KIAA1958: variants seen among roughly 807,000 people sequenced by gnomAD.
The protein encoded by KIAA1958 is uncharacterized protein KIAA1958.
KIAA1958 carries 14 observed loss-of-function variants against 47.2 expected under a neutral mutation model. The ratio of observed to expected loss-of-function variants is 0.30; its 90% CI spans 0.20 to 0.46. KIAA1958 has a LOEUF of 0.46. Ranked by LOEUF, KIAA1958 falls within the 20% of genes least tolerant of loss-of-function variation. The pLI, the probability that KIAA1958 is intolerant of heterozygous loss-of-function variation, is 1.00. For synonymous variants in KIAA1958, 354 were observed against 353.3 expected, an observed-to-expected ratio of 1.00 and a Z score of -0.02; for missense variants, 803 against 909.2, an observed-to-expected ratio of 0.88 and a Z score of 1.50.
chr9:112,651,102 G>T (rs905020773), intron 3 of KIAA1958, among the ~76,000 whole-genome samples: 2 of 152,158 alleles, frequency 1.3e-5, no homozygotes, highest in Non-Finnish European at 2.9e-5. Context: ...TTCTCCCTTG[G>T]TAATTTATAG....
intron 1 of KIAA1958, among the ~76,000 whole-genome samples, chr9:112,501,307 A>G (rs538463039): frequency 6.6e-6 from 1 of 151,990 alleles, no homozygotes; most frequent in African/African-American, 2.4e-5. Flanking sequence ...ATCAGGCATG[A>G]TGGCTCATGC....
chr9:112,529,841 ACT>A (rs1173976438), intron 1 of KIAA1958, among the ~76,000 whole-genome samples: 1 of 13,654 alleles, frequency 7.3e-5, no homozygotes, highest in Non-Finnish European at 1.2e-4. Context: ...GACTCCTCTT[ACT>A]TTTTTTTTTT....
chr9:112,550,735 T>A (rs1210395231), intron 1 of KIAA1958, among the ~76,000 whole-genome samples: 1 of 152,146 alleles, frequency 6.6e-6, no homozygotes, highest in Non-Finnish European at 1.5e-5. Context: ...CCAGGGAAGC[T>A]CACCCAACCC....
intron 1 of KIAA1958, among the ~76,000 whole-genome samples, chr9:112,489,707 G>T (rs1033067861): frequency 1.3e-5 from 2 of 151,910 alleles, no homozygotes; most frequent in African/African-American, 4.8e-5. Flanking sequence ...ATTTGAATTT[G>T]TGTAAAACTG....
At chr9:112,609,213 G>A (rs920767485) in intron 2 of KIAA1958, among the ~76,000 whole-genome samples, 5 of 152,130 alleles carry the variant, frequency 3.3e-5, no homozygotes, top group African/African-American at 1.2e-4. Flanking sequence ...AGATTAGATC[G>A]CAAGTTACCT....
At chr9:112,501,719 G>A (rs1312741771) in intron 1 of KIAA1958, among the ~76,000 whole-genome samples, 1 of 152,144 alleles carries the variant, frequency 6.6e-6, no homozygotes, top group East Asian at 1.9e-4. Flanking sequence ...GCCAAGATTC[G>A]AAACCCTAAT....
intron 2 of KIAA1958, among the ~76,000 whole-genome samples, chr9:112,612,357 G>A (rs577720218): frequency 2.0e-5 from 3 of 152,272 alleles, no homozygotes; most frequent in African/African-American, 7.2e-5. Flanking sequence ...GCAGTGAGCT[G>A]TGATCACATC....
At chr9:112,505,796 C>T (rs1189048591) in intron 1 of KIAA1958, among the ~76,000 whole-genome samples, 1 of 152,164 alleles carries the variant, frequency 6.6e-6, no homozygotes, top group Non-Finnish European at 1.5e-5. Context: ...AGGCAAAGCA[C>T]GGGATCCAGG....
chr9:112,609,095 C>G (rs2131207710), intron 2 of KIAA1958, among the ~76,000 whole-genome samples: 1 of 152,286 alleles, frequency 6.6e-6, no homozygotes, highest in South Asian at 2.1e-4. Flanking sequence ...AGGAGCTGAG[C>G]AAGAGCCCTG....
intron 2 of KIAA1958, among the ~76,000 whole-genome samples, chr9:112,620,513 A>C (rs902447551): frequency 2.6e-5 from 4 of 152,240 alleles, no homozygotes; most frequent in Non-Finnish European, 5.9e-5. Context: ...AAGCACATAA[A>C]GACCCGTTCC....
intron 1 of KIAA1958, among the ~76,000 whole-genome samples, chr9:112,500,264 C>T (rs989698588): frequency 6.6e-6 from 1 of 151,936 alleles, no homozygotes; most frequent in Non-Finnish European, 1.5e-5. Context: ...CCATGCCCAG[C>T]TAATTTTTGA....
chr9:112,573,443 C>T (rs1835573726), intron 1 of KIAA1958, among the ~76,000 whole-genome samples: 1 of 152,126 alleles, frequency 6.6e-6, no homozygotes, highest in African/African-American at 2.4e-5. Context: ...GTCTGTTCTC[C>T]CTTCTCTGCT....
Position 112,545,618 on chromosome 9 carries a change from T to C in KIAA1958, c.-24-28439T>C, listed in dbSNP as rs567802710. On this transcript the variant is annotated intron_variant, in intron 1 of 3. Transcript: ENST00000337530. Reference sequence around the variant, plus strand: ...GAAATGCTATCATCCCTTTGAAACATGTCTTTTTAACACTTAGGATTCGTG... The same window carrying C: ...GAAATGCTATCATCCCTTTGAAACACGTCTTTTTAACACTTAGGATTCGTG... Among the ~76,000 whole-genome samples, 16 of 152,324 alleles carry C rather than the reference T, an allele frequency of 1.1e-4. No individual in the cohort carries two copies. The East Asian group carries it at 3.1e-3, about 29-fold the overall frequency.
At position 112,502,965 on chromosome 9, in the gene KIAA1958, A is replaced by G. The variant is rs553156767; in HGVS notation, c.-25+15847A>G. On this transcript the variant is annotated intron_variant, in intron 1 of 3. Transcript: ENST00000337530. ...GATTATAGAGACTGTTTAACCAACA[A>G]ATATCTAATGGGTATTCACCATGTG... is the stretch of plus-strand genomic sequence containing the variant. 1.8e-4 allele frequency among the ~76,000 whole-genome samples: 28 copies of G among 152,338 alleles called. 1 individual carries two copies. The highest frequency in any genetic ancestry group is 5.8e-4 in the East Asian group (3 of 5,190).
At chr9:112,544,164 A>G (rs1834990850) in intron 1 of KIAA1958, among the ~76,000 whole-genome samples, 1 of 151,982 alleles carries the variant, frequency 6.6e-6, no homozygotes, top group Admixed American at 6.6e-5. Flanking sequence ...CCCTTTTCTT[A>G]TCTGTAGCCT....
At chr9:112,566,885 G>A (rs1835435912) in intron 1 of KIAA1958, among the ~76,000 whole-genome samples, 1 of 152,198 alleles carries the variant, frequency 6.6e-6, no homozygotes, top group Non-Finnish European at 1.5e-5. Context: ...GTGATTATGG[G>A]CCCTAATGTG....
chr9:112,590,522 T>C (rs923678571), intron 2 of KIAA1958, among the ~76,000 whole-genome samples: 12 of 152,052 alleles, frequency 7.9e-5, no homozygotes. Flanking sequence ...CAGCTAATTT[T>C]TGTATTTTTA....
chr9:112,626,109 A>G (rs1046920219), intron 2 of KIAA1958, among the ~76,000 whole-genome samples: 1 of 152,158 alleles, frequency 6.6e-6, no homozygotes, highest in Non-Finnish European at 1.5e-5. Flanking sequence ...CAACATAATT[A>G]GGAAGTTTCT....
intron 3 of KIAA1958, among the ~76,000 whole-genome samples, chr9:112,647,596 T>C (rs1836998011): frequency 6.6e-6 from 1 of 152,198 alleles, no homozygotes; most frequent in South Asian, 2.1e-4. Context: ...TGAAAACATA[T>C]AGAAATACGC....
Sources: gnomAD v4.1 joint callset for allele counts (sites outside exome capture counted in the v4.1 genomes callset) on GRCh38, gnomAD v4.1.1 for gene constraint, MANE v1.5 for transcripts, NCBI Gene and HGNC (gene_info 2026-07-23, HGNC 2026-07-21) for gene names.